The following LGSN variants were observed in gnomAD, a reference collection of about 807,000 sequenced individuals.
The protein encoded by LGSN is lengsin.
Under a neutral mutation model 19.5 loss-of-function variants are expected in LGSN, and 21 were observed. The observed-to-expected ratio is 1.07, with a 90% CI of 0.76 to 1.55. The LOEUF (loss-of-function observed/expected upper bound fraction) is 1.55, where lower values mean the gene tolerates loss of function less well. Among genes scored for constraint, LGSN ranks in the 40% most tolerant of loss-of-function variants. LGSN has a pLI of 0.00. For synonymous variants in LGSN, 257 were observed against 215.6 expected, an observed-to-expected ratio of 1.19 and a Z score of -1.68; for missense variants, 673 against 608.5, an observed-to-expected ratio of 1.11 and a Z score of -1.12.
the LGSN span, among the ~76,000 whole-genome samples, chr6:63,488,841 C>T: frequency 2.8e-4 from 42 of 148,852 alleles, no homozygotes; most frequent in African/African-American, 9.9e-4. Flanking sequence ...ATAAAGTTTA[C>T]CAAAAAAAAA....
chr6:63,490,967 CT>C, the LGSN span, among the ~76,000 whole-genome samples: 66 of 147,314 alleles, frequency 4.5e-4, no homozygotes, highest in African/African-American at 6.2e-4. Context: ...CTTCCTCAAC[CT>C]TTTTTTTTTT....
the LGSN span, among the ~76,000 whole-genome samples, chr6:63,514,502 C>G: frequency 6.6e-6 from 1 of 152,232 alleles, no homozygotes; most frequent in African/African-American, 2.4e-5. Context: ...GCTGGAATTA[C>G]GGGCATGAGC....
chr6:63,408,327 C>G, the LGSN span, among the ~76,000 whole-genome samples: 1 of 149,640 alleles, frequency 6.7e-6, no homozygotes, highest in Admixed American at 6.7e-5. Flanking sequence ...GGTACCAAAA[C>G]AGAGATATAG....
the LGSN span, among the ~76,000 whole-genome samples, chr6:63,423,684 G>A: frequency 6.7e-6 from 1 of 150,298 alleles, no homozygotes; most frequent in African/African-American, 2.4e-5. Flanking sequence ...CCACCAAGAA[G>A]AAATAATCCC....
chr6:63,570,198 G>C, the LGSN span, among the ~76,000 whole-genome samples: 1 of 152,088 alleles, frequency 6.6e-6, no homozygotes, highest in African/African-American at 2.4e-5. Context: ...AGGTGTGGTG[G>C]CAGGTGGCTG....
chr6:63,521,618 A>G, the LGSN span: 2 of 152,250 alleles, frequency 1.3e-5, no homozygotes, highest in African/African-American at 4.8e-5. Flanking sequence ...CAAATAGCAT[A>G]TATTTTAGAA....
At chr6:63,528,461 A>G in the LGSN span, among the ~76,000 whole-genome samples, 4 of 151,722 alleles carry the variant, frequency 2.6e-5, no homozygotes, top group East Asian at 7.8e-4. Context: ...ACAGTGGTTC[A>G]TGCCTATAAT....
chr6:63,547,212 T>G, the LGSN span, among the ~76,000 whole-genome samples: 1,709 of 146,062 alleles, frequency 0.012, 10 homozygotes, highest in Non-Finnish European at 0.018. Flanking sequence ...TTTTTTGAGA[T>G]GGAGTCTTGT....
At chr6:63,335,142 C>CAAA in the LGSN span, among the ~76,000 whole-genome samples, 2 of 81,890 alleles carry the variant, frequency 2.4e-5, no homozygotes, top group Non-Finnish European at 2.7e-5. Flanking sequence ...GACTCCATCT[C>CAAA]AAAAAAAAAA....
the LGSN span, among the ~76,000 whole-genome samples, chr6:63,423,262 C>T: frequency 7.7e-4 from 118 of 152,278 alleles, 1 homozygote; most frequent in African/African-American, 2.7e-3. Flanking sequence ...GAGGGGATTG[C>T]TCCAGCCAGG....
the LGSN span, among the ~76,000 whole-genome samples, chr6:63,511,827 A>T: frequency 6.6e-6 from 1 of 152,244 alleles, no homozygotes; most frequent in African/African-American, 2.4e-5. Context: ...AAAAATACAC[A>T]TTGGGATTTG....
chr6:63,362,977 G>A, the LGSN span, among the ~76,000 whole-genome samples: 2 of 152,156 alleles, frequency 1.3e-5, no homozygotes, highest in African/African-American at 4.8e-5. Context: ...ATAAAGCCAG[G>A]TGCCCCTCTG....
the LGSN span, among the ~76,000 whole-genome samples, chr6:63,362,705 G>A: frequency 2.0e-5 from 3 of 152,134 alleles, no homozygotes; most frequent in South Asian, 2.1e-4. Context: ...CGGGAAGGTC[G>A]AACTGGGTGG....
At chr6:63,427,828 T>C in the LGSN span, among the ~76,000 whole-genome samples, 3 of 152,154 alleles carry the variant, frequency 2.0e-5, no homozygotes, top group South Asian at 4.1e-4. Context: ...AAAACTCTGC[T>C]CACATCTAAG....
At chr6:63,561,278 G>A in the LGSN span, among the ~76,000 whole-genome samples, 3 of 152,066 alleles carry the variant, frequency 2.0e-5, no homozygotes, top group East Asian at 1.9e-4. Flanking sequence ...TTTTATAATG[G>A]GAGTAATATC....
chr6:63,562,923 A>G, the LGSN span, among the ~76,000 whole-genome samples: 1 of 152,246 alleles, frequency 6.6e-6, no homozygotes, highest in African/African-American at 2.4e-5. Context: ...ATTCAGCACC[A>G]TAGCATAAAA....
the LGSN span, among the ~76,000 whole-genome samples, chr6:63,560,518 T>C: frequency 6.7e-6 from 1 of 150,310 alleles, no homozygotes; most frequent in South Asian, 2.2e-4. Context: ...TTCTCCTGCC[T>C]CAGCCACCCT....
At chr6:63,358,536 G>A in the LGSN span, among the ~76,000 whole-genome samples, 2 of 152,090 alleles carry the variant, frequency 1.3e-5, no homozygotes, top group African/African-American at 4.8e-5. Flanking sequence ...TCTCCTTGAA[G>A]AGGTCCTTCA....
the LGSN span, among the ~76,000 whole-genome samples, chr6:63,473,283 G>A: frequency 3.3e-5 from 5 of 151,560 alleles, no homozygotes; most frequent in Admixed American, 1.3e-4. Context: ...GAGCAGCCTG[G>A]GCAACATGGC....
Sources: allele counts gnomAD v4.1 joint callset (sites outside exome capture counted in the v4.1 genomes callset), GRCh38; gene constraint gnomAD v4.1.1; transcripts MANE v1.5; gene names NCBI Gene and HGNC (gene_info 2026-07-23, HGNC 2026-07-21).